The following HS6ST2 variants were observed in gnomAD, a reference collection of about 807,000 sequenced individuals.
HS6ST2 encodes heparan-sulfate 6-O-sulfotransferase 2.
In HS6ST2, 17 loss-of-function variants were observed where a neutral mutation model predicts 33.0. The observed-to-expected ratio is 0.52, with a 90% CI of 0.35 to 0.77. The LOEUF is 0.77. Ranked by LOEUF, HS6ST2 falls within the 30% of genes least tolerant of loss-of-function variation. The pLI, the probability that HS6ST2 is intolerant of heterozygous loss-of-function variation, is 0.01. For synonymous variants in HS6ST2, 248 were observed against 237.1 expected (o/e 1.05, Z -0.42); for missense variants, 519 against 551.7 (o/e 0.94, Z 0.59).
chrX:132,946,728 G>A (rs1181215479), intron 2 of HS6ST2, among the ~76,000 whole-genome samples: 2 of 111,752 alleles, frequency 1.8e-5, no homozygotes, highest in Non-Finnish European at 3.8e-5. Context: ...TAATAAACCT[G>A]CACGTTGTGC....
At chrX:132,674,778 G>C (rs1569479882) in intron 3 of HS6ST2, among the ~76,000 whole-genome samples, 2 of 112,134 alleles carry the variant, frequency 1.8e-5, no homozygotes, top group Non-Finnish European at 3.8e-5. Flanking sequence ...TCTAACAATT[G>C]TAAGTGGTAT....
At chrX:132,651,859 C>A (rs2063695300) in intron 4 of HS6ST2, among the ~76,000 whole-genome samples, 1 of 111,641 alleles carries the variant, frequency 9.0e-6, no homozygotes, top group Admixed American at 9.5e-5. Flanking sequence ...GTACCCTCCT[C>A]CTCCAGGGGG....
chrX:132,689,578 C>A (rs1304475982), intron 3 of HS6ST2, among the ~76,000 whole-genome samples: 1 of 111,923 alleles, frequency 8.9e-6, no homozygotes, highest in African/African-American at 3.2e-5. Flanking sequence ...AAATATTTGA[C>A]GTACCTCTAT....
At chrX:132,692,374 A>T (rs1174044458) in intron 3 of HS6ST2, among the ~76,000 whole-genome samples, 1 of 111,042 alleles carries the variant, frequency 9.0e-6, no homozygotes, top group Non-Finnish European at 1.9e-5. Context: ...GTATTTATCC[A>T]TCACAGCGCC....
At chrX:132,805,990 T>C (rs2065278362) in intron 2 of HS6ST2, among the ~76,000 whole-genome samples, 1 of 110,054 alleles carries the variant, frequency 9.1e-6, no homozygotes, top group Non-Finnish European at 1.9e-5. Flanking sequence ...AATCTTGATA[T>C]TCTAAGATTT....
At chrX:132,669,057 C>A in intron 4 of HS6ST2, 56 bp downstream of exon 4, 1 of 761,882 alleles carries the variant, frequency 1.3e-6, no homozygotes, top group Non-Finnish European at 2.0e-6. Flanking sequence ...AAAAGGAGGA[C>A]AGCACTTGAC....
intron 2 of HS6ST2, among the ~76,000 whole-genome samples, chrX:132,786,353 G>A (rs2065060410): frequency 9.0e-6 from 1 of 111,278 alleles, no homozygotes; most frequent in Admixed American, 9.6e-5. Flanking sequence ...GTAAAATCTT[G>A]AAGATGTGGC....
chrX:132,718,828 G>A (rs1242602411), intron 2 of HS6ST2, among the ~76,000 whole-genome samples: 2 of 110,510 alleles, frequency 1.8e-5, no homozygotes, highest in Non-Finnish European at 3.8e-5. Flanking sequence ...GATAGGCCAG[G>A]GACCCACAGG....
intron 2 of HS6ST2, among the ~76,000 whole-genome samples, chrX:132,889,687 G>A (rs1206549412): frequency 9.0e-6 from 1 of 111,366 alleles, no homozygotes; most frequent in Non-Finnish European, 1.9e-5. Flanking sequence ...AGCTAGGAAG[G>A]TGGAGAAACA....
chrX:132,791,592 G>T (rs1354470989), intron 2 of HS6ST2, among the ~76,000 whole-genome samples: 1 of 111,776 alleles, frequency 8.9e-6, no homozygotes, highest in Non-Finnish European at 1.9e-5. Flanking sequence ...TGTTACTTTG[G>T]ACTGATTCCC....
intron 2 of HS6ST2, among the ~76,000 whole-genome samples, chrX:132,749,649 T>C (rs1275155713): frequency 9.0e-6 from 1 of 111,729 alleles, no homozygotes; most frequent in African/African-American, 3.3e-5. Context: ...GGAAATGGAA[T>C]AGTGTGTGGG....
At chrX:132,777,550 C>T (rs1009623346) in intron 2 of HS6ST2, among the ~76,000 whole-genome samples, 1 of 109,451 alleles carries the variant, frequency 9.1e-6, no homozygotes, top group Non-Finnish European at 1.9e-5. Flanking sequence ...CCTGCCTCAG[C>T]CTCCCGAGTA....
intron 4 of HS6ST2, among the ~76,000 whole-genome samples, chrX:132,647,051 T>G (rs763289511): frequency 2.7e-5 from 3 of 111,308 alleles, no homozygotes; most frequent in African/African-American, 9.8e-5. Context: ...CAATTCAAGA[T>G]GAGATTTGAG....
At chrX:132,780,983 A>G (rs766004938) in intron 2 of HS6ST2, among the ~76,000 whole-genome samples, 1 of 112,085 alleles carries the variant, frequency 8.9e-6, no homozygotes, top group East Asian at 2.8e-4. Flanking sequence ...CACACCATCT[A>G]GGTGAGACAG....
At chrX:132,646,360 A>T (rs984006848) in intron 4 of HS6ST2, among the ~76,000 whole-genome samples, 1 of 110,191 alleles carries the variant, frequency 9.1e-6, no homozygotes, top group African/African-American at 3.3e-5. Flanking sequence ...TGGGGGAGGG[A>T]CTAAATGACC....
chrX:132,832,877 A>G lies in HS6ST2; in HGVS notation c.947+123931T>C, dbSNP rs191705596. Among the ~76,000 whole-genome samples, 311 of 111,651 alleles carry G rather than the reference A, an allele frequency of 2.8e-3. 1 individual carries two copies. Among genetic ancestry groups the G allele is most frequent in the African/African-American group, 9.9e-3 (305 of 30,773 alleles). On this transcript the variant is annotated intron_variant, in intron 2 of 4. Coordinates refer to ENST00000370833, the MANE Select transcript of HS6ST2 (RefSeq NM_001394073.1). ...AGTGTACCATTCAGTGGTTTTTAGT[A>G]TATTCACTGATGCAACCCTCACCAC...
chrX:132,811,846 ACT>A (rs1292164009), intron 2 of HS6ST2, among the ~76,000 whole-genome samples: 5 of 105,034 alleles, frequency 4.8e-5, no homozygotes, highest in South Asian at 4.4e-4. Flanking sequence ...ATCTAATTAT[ACT>A]CTTTTAGTTA....
intron 2 of HS6ST2, among the ~76,000 whole-genome samples, chrX:132,848,667 T>G (rs1283569339): frequency 8.9e-6 from 1 of 111,966 alleles, no homozygotes; most frequent in African/African-American, 3.2e-5. Context: ...CACAGATTGT[T>G]AAGAAAATTC....
rs190612572 is a variant in HS6ST2, at chrX:132,921,725, T to A, written c.947+35083A>T. 5.4e-5 allele frequency among the ~76,000 whole-genome samples: 6 copies of A among 111,776 alleles called. No individual in the cohort carries two copies. The East Asian group carries it at 1.7e-3, about 32-fold the overall frequency. ...ACTACAGCATGGTGAGTGCCATGCTTGAGGTATTCACTGGCTACAATTTGA... is the reference window on the plus strand; with the variant it reads ...ACTACAGCATGGTGAGTGCCATGCTAGAGGTATTCACTGGCTACAATTTGA... On this transcript the variant is annotated intron_variant, in intron 2 of 4. Transcript: ENST00000370833.
Sources: gnomAD v4.1 joint callset for allele counts (sites outside exome capture counted in the v4.1 genomes callset) on GRCh38, gnomAD v4.1.1 for gene constraint, MANE v1.5 for transcripts, NCBI Gene and HGNC (gene_info 2026-07-23, HGNC 2026-07-21) for gene names.